Variants in GDA observed in about 807,000 individuals in gnomAD.
The protein encoded by GDA is cytoplasmic PSD-95 interactor.
Under a neutral mutation model 59.6 loss-of-function variants are expected in GDA, and 18 were observed. The observed-to-expected ratio is 0.30, with a 90% CI of 0.21 to 0.45. The LOEUF (loss-of-function observed/expected upper bound fraction) is 0.45, where lower values mean the gene tolerates loss of function less well. Ranked by LOEUF, GDA falls within the 20% of genes least tolerant of loss-of-function variation. GDA has a pLI of 1.00. For synonymous variants in GDA, 201 were observed against 201.1 expected (o/e 1.00, Z 0.00); for missense variants, 427 against 552.3 (o/e 0.77, Z 2.27).
intron 1 of GDA, among the ~76,000 whole-genome samples, chr9:72,182,456 C>T (rs1156853761): frequency 1.3e-5 from 2 of 152,120 alleles, no homozygotes; most frequent in Non-Finnish European, 2.9e-5. Flanking sequence ...AGATTCAGGT[C>T]GTGCATTTTT....
intron 1 of GDA, among the ~76,000 whole-genome samples, chr9:72,183,027 T>C (rs760105834): frequency 2.6e-5 from 4 of 152,190 alleles, no homozygotes; most frequent in Non-Finnish European, 5.9e-5. Flanking sequence ...GGCACAAAAT[T>C]ATGTTCTAGA....
intron 1 of GDA, among the ~76,000 whole-genome samples, chr9:72,142,026 T>A (rs1337263068): frequency 6.6e-6 from 1 of 152,218 alleles, no homozygotes; most frequent in Non-Finnish European, 1.5e-5. Flanking sequence ...CTTGAGTCTC[T>A]AACTTTTCAC....
chr9:72,126,566 CTT>C (rs72370881), intron 1 of GDA, among the ~76,000 whole-genome samples: 61,860 of 133,358 alleles, frequency 0.46, 14,982 homozygotes, highest in Non-Finnish European at 0.57. Flanking sequence ...CCTGGTTAGT[CTT>C]TTTTTTTTTT....
At chr9:72,147,453 C>T (rs1156229650), upstream of GDA, among the ~76,000 whole-genome samples, 1 of 152,252 alleles carries the variant, frequency 6.6e-6, no homozygotes, top group Non-Finnish European at 1.5e-5. Context: ...ATCCACCCGC[C>T]TCGGCCTCCC....
In GDA at chr9:72,202,767, G is replaced by C. The variant is rs768112787; in HGVS notation, c.384+25G>C. The C allele has an allele frequency of 8.3e-6, 13 of 1,558,548 alleles. No individual in the cohort carries two copies. The Admixed American group carries it at 1.0e-4, about 12-fold the overall frequency. ...CGTAAGTATCTTGTGTGTGAGTGTG[G>C]TATTCTGTTTGGTCATCTATAGAAA... On this transcript the variant is annotated intron_variant, in intron 3 of 13. Transcript: ENST00000358399.
At chr9:72,235,487 G>A (rs1838870007) in intron 10 of GDA, among the ~76,000 whole-genome samples, 1 of 152,130 alleles carries the variant, frequency 6.6e-6, no homozygotes, top group South Asian at 2.1e-4. Flanking sequence ...AAGGCTGAGA[G>A]GAGGATGTAT....
intron 10 of GDA, among the ~76,000 whole-genome samples, chr9:72,234,424 A>G (rs1169858080): frequency 6.6e-6 from 1 of 152,206 alleles, no homozygotes; most frequent in African/African-American, 2.4e-5. Context: ...GTTATACCTC[A>G]GTTAAAAAAA....
At chr9:72,167,290 C>A (rs1359323222) in intron 1 of GDA, among the ~76,000 whole-genome samples, 1 of 151,986 alleles carries the variant, frequency 6.6e-6, no homozygotes, top group Non-Finnish European at 1.5e-5. Flanking sequence ...TTCTTCCCTG[C>A]TATATAAACC....
chr9:72,142,648 A>G (rs1587330155), intron 1 of GDA, among the ~76,000 whole-genome samples: 1 of 152,138 alleles, frequency 6.6e-6, no homozygotes, highest in East Asian at 1.9e-4. Context: ...CAAGGCCCAA[A>G]GTAGAATGAC....
At chr9:72,157,762 T>G (rs1053352316) in intron 1 of GDA, among the ~76,000 whole-genome samples, 1 of 152,256 alleles carries the variant, frequency 6.6e-6, no homozygotes, top group Non-Finnish European at 1.5e-5. Context: ...GTTTCAAATG[T>G]CCTGGAAGAT....
chr9:72,149,954 G>T (rs973153369), intron 1 of GDA, among the ~76,000 whole-genome samples: 1 of 152,336 alleles, frequency 6.6e-6, no homozygotes, highest in Admixed American at 6.5e-5. Flanking sequence ...AGAGCCGGGA[G>T]CAAGGATGTC....
At chr9:72,210,800 G>A in intron 4 of GDA, 26 bp downstream of exon 4, 5 of 1,402,174 alleles carry the variant, frequency 3.6e-6, no homozygotes, top group Non-Finnish European at 5.1e-6. Flanking sequence ...ATGATTTATG[G>A]GCACCTCAAG....
At chr9:72,204,185 T>TTTAG (rs370672728) in intron 3 of GDA, among the ~76,000 whole-genome samples, 189 of 152,246 alleles carry the variant, frequency 1.2e-3, no homozygotes, top group African/African-American at 4.4e-3. Context: ...ATCTTACATA[T>TTTAG]TTAGCATGCA....
At chr9:72,228,997 T>C (rs1350305481) in intron 9 of GDA, 7 of 151,908 alleles carry the variant, frequency 4.6e-5, no homozygotes, top group Admixed American at 1.3e-4. Flanking sequence ...TGCCAGTCCA[T>C]GGATGCTAGG....
chr9:72,141,045 G>C (rs1411141922), intron 1 of GDA, among the ~76,000 whole-genome samples: 2 of 152,120 alleles, frequency 1.3e-5, no homozygotes, highest in African/African-American at 4.8e-5. Context: ...GGACACTATG[G>C]CAATTTTAAT....
At chr9:72,244,893 A>G (rs183512164) in intron 11 of GDA, among the ~76,000 whole-genome samples, 11 of 152,336 alleles carry the variant, frequency 7.2e-5, no homozygotes, top group Admixed American at 5.9e-4. Context: ...AAATAGAGAC[A>G]TACCAGAGTT....
At chr9:72,207,245 C>A (rs950776640) in intron 3 of GDA, among the ~76,000 whole-genome samples, 2 of 152,126 alleles carry the variant, frequency 1.3e-5, no homozygotes, top group East Asian at 3.8e-4. Flanking sequence ...CTTTCTCTCT[C>A]TTTCTGAGTA....
At chr9:72,195,163 AGGGGGT>A (rs1832999855) in intron 1 of GDA, among the ~76,000 whole-genome samples, 1 of 152,144 alleles carries the variant, frequency 6.6e-6, no homozygotes, top group Non-Finnish European at 1.5e-5. Context: ...GTGTCCTTGC[AGGGGGT>A]GATTGGTGAA....
At chr9:72,258,187 C>G (rs1195093664), downstream of GDA, among the ~76,000 whole-genome samples, 1 of 151,782 alleles carries the variant, frequency 6.6e-6, no homozygotes, top group Non-Finnish European at 1.5e-5. Context: ...GTGGTGCACA[C>G]TTGTAGTCTC....
Sources: allele counts gnomAD v4.1 joint callset (sites outside exome capture counted in the v4.1 genomes callset), GRCh38; gene constraint gnomAD v4.1.1; transcripts MANE v1.5; gene names NCBI Gene and HGNC (gene_info 2026-07-23, HGNC 2026-07-21).